The following CSMD3 variants were observed in gnomAD, a reference collection of about 807,000 sequenced individuals.
CSMD3 encodes CUB and Sushi multiple domains 3.
Under a neutral mutation model 435.2 loss-of-function variants are expected in CSMD3, and 177 were observed. That is an observed-to-expected ratio of 0.41 (90% CI 0.36 to 0.46). CSMD3 has a LOEUF of 0.46. Among genes scored for constraint, CSMD3 ranks in the 20% least tolerant of loss-of-function variants. CSMD3 has a pLI of 0.34. For missense variants in CSMD3, 4,265 were observed against 4,504.6 expected, an observed-to-expected ratio of 0.95 and a Z score of 1.52; for synonymous variants, 1,656 against 1,520.5, an observed-to-expected ratio of 1.09 and a Z score of -2.07.
intron 12 of CSMD3, among the ~76,000 whole-genome samples, chr8:112,821,148 A>G (rs1460277760): frequency 2.0e-5 from 3 of 152,192 alleles, no homozygotes; most frequent in African/African-American, 7.2e-5. Context: ...AATGATTTAT[A>G]TTCCTTTGGG....
chr8:113,173,849 G>A lies in CSMD3; in HGVS notation c.582C>T (p.Phe194=), dbSNP rs762199137. 17 of 1,613,622 alleles carry A rather than the reference G, an allele frequency of 1.1e-5. No individual in the cohort carries two copies. Among genetic ancestry groups the A allele is most frequent in the South Asian group, 7.7e-5 (7 of 91,084 alleles). Residue 194 remains phenylalanine (F), a synonymous_variant, in exon 4 of 71, where the codon TTC becomes TTT. Transcript: ENST00000297405. ...PPKGVLYGTR[F]DVGDKIRYSC... is the part of the protein sequence containing the mutation. Reference sequence around the variant, plus strand: ...TGTAGCGGATCTTGTCCCCGACGTCGAATCTTGTGCCATATAATACACCTT... The same window carrying A: ...TGTAGCGGATCTTGTCCCCGACGTCAAATCTTGTGCCATATAATACACCTT...
At chr8:112,867,008 C>T (rs1221427659) in intron 10 of CSMD3, among the ~76,000 whole-genome samples, 2 of 152,084 alleles carry the variant, frequency 1.3e-5, no homozygotes, top group Non-Finnish European at 2.9e-5. Context: ...AAATGTTTCT[C>T]ATTGGGCTGT....
At chr8:113,294,791 T>C (rs2093708144) in intron 2 of CSMD3, among the ~76,000 whole-genome samples, 1 of 152,120 alleles carries the variant, frequency 6.6e-6, no homozygotes, top group South Asian at 2.1e-4. Flanking sequence ...TTCACCTTAA[T>C]AAAGGACAAT....
intron 20 of CSMD3, among the ~76,000 whole-genome samples, chr8:112,639,521 C>A (rs1349097776): frequency 6.6e-6 from 1 of 151,988 alleles, no homozygotes; most frequent in African/African-American, 2.4e-5. Context: ...AAATAGTATC[C>A]AAATCAATAG....
intron 9 of CSMD3, among the ~76,000 whole-genome samples, chr8:112,947,128 C>T (rs564365935): frequency 6.6e-6 from 1 of 151,480 alleles, no homozygotes; most frequent in South Asian, 2.1e-4. Flanking sequence ...TTTTGATAGG[C>T]TTTTTGTAAT....
At chr8:112,915,638 C>T (rs1283685206) in intron 10 of CSMD3, among the ~76,000 whole-genome samples, 1 of 151,490 alleles carries the variant, frequency 6.6e-6, no homozygotes, top group Non-Finnish European at 1.5e-5. Context: ...AATCTTTTAC[C>T]TATATACAAA....
At chr8:112,943,366 T>G (rs918631171) in intron 9 of CSMD3, among the ~76,000 whole-genome samples, 1 of 80 alleles carries the variant, frequency 0.013, no homozygotes. Context: ...CGATTATACT[T>G]TTTGGTGTTT....
intron 1 of CSMD3, among the ~76,000 whole-genome samples, chr8:113,322,984 G>A (rs1487952353): frequency 6.6e-6 from 1 of 152,106 alleles, no homozygotes; most frequent in Non-Finnish European, 1.5e-5. Flanking sequence ...GACCTCAAGT[G>A]TTCTTCACCC....
intron 44 of CSMD3, among the ~76,000 whole-genome samples, chr8:112,336,451 C>G (rs747837076): frequency 1.3e-4 from 20 of 151,862 alleles, no homozygotes; most frequent in Non-Finnish European, 2.5e-4. Flanking sequence ...CAATGCTTAC[C>G]TAGTTCATGG....
intron 2 of CSMD3, among the ~76,000 whole-genome samples, chr8:113,290,431 C>T (rs2093678337): frequency 2.6e-5 from 4 of 151,598 alleles, no homozygotes. Context: ...AGACAAGTTA[C>T]TGAGAATATA....
chr8:113,268,772 T>C (rs143867350), intron 3 of CSMD3, among the ~76,000 whole-genome samples: 19 of 152,218 alleles, frequency 1.2e-4, no homozygotes, highest in African/African-American at 3.6e-4. Context: ...AGATATTAAG[T>C]AGAACTTCAT....
intron 3 of CSMD3, among the ~76,000 whole-genome samples, chr8:113,214,966 C>T (rs529371191): frequency 2.6e-5 from 4 of 151,652 alleles, no homozygotes; most frequent in South Asian, 4.2e-4. Context: ...GAAACTAAAA[C>T]GAAATTCTAT....
chr8:113,247,628 TAG>T (rs551548481), intron 3 of CSMD3, among the ~76,000 whole-genome samples: 96 of 152,122 alleles, frequency 6.3e-4, no homozygotes, highest in African/African-American at 2.3e-3. Flanking sequence ...TTATGAGGAG[TAG>T]ATTTCTGTAA....
At chr8:112,434,006 A>G (rs1240029520) in intron 32 of CSMD3, among the ~76,000 whole-genome samples, 1 of 152,108 alleles carries the variant, frequency 6.6e-6, no homozygotes, top group Non-Finnish European at 1.5e-5. Flanking sequence ...TTAAGTTGTC[A>G]AGGAATTGGG....
chr8:113,365,654 T>C (rs2094306501), intron 1 of CSMD3, among the ~76,000 whole-genome samples: 1 of 152,084 alleles, frequency 6.6e-6, no homozygotes, highest in South Asian at 2.1e-4. Flanking sequence ...CATACGATGA[T>C]GTTACAAGAT....
In CSMD3 at chr8:112,541,755, A is replaced by C. The variant is rs181958478; in HGVS notation, c.4564+8916T>G. On this transcript the variant is annotated intron_variant, in intron 27 of 70. Transcript: ENST00000297405. ...GAAACAAAACAAAACAAAACCAAAA[A>C]CAAACAAAAAAATTTCCAAATTAAT... is the stretch of plus-strand genomic sequence containing the variant. Among the ~76,000 whole-genome samples the C allele has an allele frequency of 3.4e-3, 516 of 152,052 alleles. 3 individuals carry two copies. The highest frequency in any genetic ancestry group is 0.011 in the African/African-American group (462 of 41,524).
At chr8:112,252,262 A>G (rs569680642) in intron 63 of CSMD3, among the ~76,000 whole-genome samples, 1 of 152,104 alleles carries the variant, frequency 6.6e-6, no homozygotes, top group African/African-American at 2.4e-5. Context: ...GAAATCTGGA[A>G]TTGAGATTGA....
intron 13 of CSMD3, among the ~76,000 whole-genome samples, chr8:112,751,085 AAT>A (rs1051620579): frequency 6.6e-6 from 1 of 151,974 alleles, no homozygotes; most frequent in African/African-American, 2.4e-5. Flanking sequence ...AAAAAAAAAA[AAT>A]AGAATTATTT....
chr8:113,032,259 C>T (rs563218797), intron 5 of CSMD3, among the ~76,000 whole-genome samples: 3 of 151,410 alleles, frequency 2.0e-5, no homozygotes, highest in Non-Finnish European at 3.0e-5. Flanking sequence ...TCAGAAGACA[C>T]GTAGATGTAG....
Sources: gnomAD v4.1 joint callset for allele counts (sites outside exome capture counted in the v4.1 genomes callset) on GRCh38, gnomAD v4.1.1 for gene constraint, MANE v1.5 for transcripts, NCBI Gene and HGNC (gene_info 2026-07-23, HGNC 2026-07-21) for gene names.